Variants in AHRR observed in about 807,000 individuals in gnomAD.
AHRR encodes the protein aryl hydrocarbon receptor repressor.
Under a neutral mutation model 44.0 loss-of-function variants are expected in AHRR, and 28 were observed. The observed-to-expected ratio is 0.64, with a 90% CI of 0.47 to 0.87. AHRR has a LOEUF of 0.87. Among genes scored for constraint, AHRR ranks in the 40% least tolerant of loss-of-function variants. AHRR has a pLI of 0.00. For missense variants in AHRR, 990 were observed against 953.9 expected (o/e 1.04, Z -0.50); for synonymous variants, 434 against 407.0 (o/e 1.07, Z -0.80).
intron 4 of AHRR, among the ~76,000 whole-genome samples, chr5:382,730 AATTTGTCT>A: frequency 7.0e-6 from 1 of 142,688 alleles, no homozygotes; most frequent in Admixed American, 6.8e-5. Context: ...TAGATTATTG[AATTTGTCT>A]ATTTGTCTAT....
At chr5:433,057 C>A in intron 10 of AHRR, 110 bp downstream of exon 10, 3 of 1,315,658 alleles carry the variant, frequency 2.3e-6, no homozygotes, top group Non-Finnish European at 3.0e-6. Context: ...AAGACGACAG[C>A]AGCCTTGGCC....
Position 405,743 on chromosome 5 carries a change from G to A in AHRR, c.352-7601G>A, listed in dbSNP as rs1343283527. On this transcript the variant is annotated intron_variant, in intron 4 of 10. Transcript: ENST00000684583. The surrounding 1 kb of genome is among the most constrained non-coding windows in gnomAD (Gnocchi z 4.5). ...TCTCCATCGGTCGTAACATCTTACT[G>A]CTCCCCTCGCAGACTGTTGAGTTGG... 4.6e-5 allele frequency among the ~76,000 whole-genome samples: 7 copies of A among 152,238 alleles called. No homozygotes were observed. Among genetic ancestry groups the A allele is most frequent in the Admixed American group, 4.6e-4 (7 of 15,282 alleles).
At position 353,928 on chromosome 5, in the gene AHRR, C is replaced by T; in HGVS notation, c.244+17C>T. On this transcript the variant is annotated intron_variant, in intron 3 of 10. Coordinates refer to ENST00000684583, the MANE Select transcript of AHRR (RefSeq NM_001377236.1). ...TCTTCCAAGGTAGGACTCTCACCTG[C>T]TCCCACCTGTTCACTTGAGTCAGGC... 6.2e-7 allele frequency: 1 copy of T among 1,603,332 alleles called. No homozygotes were observed. The highest frequency in any genetic ancestry group is 8.5e-7 in the Non-Finnish European group (1 of 1,173,978).
chr5:346,212 A>G, intron 2 of AHRR, among the ~76,000 whole-genome samples: 1 of 152,228 alleles, frequency 6.6e-6, no homozygotes, highest in Non-Finnish European at 1.5e-5. Flanking sequence ...AATACGGTGC[A>G]TGCACATTTT....
At chr5:396,520 A>T (rs1734713499) in intron 4 of AHRR, among the ~76,000 whole-genome samples, 1 of 152,176 alleles carries the variant, frequency 6.6e-6, no homozygotes, top group Non-Finnish European at 1.5e-5. Context: ...CCCACAGAAC[A>T]CACTTGGCCT....
chr5:425,137 G>A (rs1736325533), intron 7 of AHRR, among the ~76,000 whole-genome samples: 1 of 152,218 alleles, frequency 6.6e-6, no homozygotes, highest in Non-Finnish European at 1.5e-5. Flanking sequence ...GACCTCCTGG[G>A]GACCTTGGGT....
At chr5:413,570 C>T in intron 5 of AHRR, 137 bp downstream of exon 5, 2 of 671,006 alleles carry the variant, frequency 3.0e-6, no homozygotes, top group South Asian at 3.9e-5. Flanking sequence ...AGATAAAGAT[C>T]TCCACACCCC....
chr5:411,878 T>C lies in AHRR; in HGVS notation c.352-1466T>C, dbSNP rs1210965320. The stretch of plus-strand genomic sequence containing the variant: ...ACTCAGCCCCCTCACCCCCAGCTTC[T>C]ACCTCGTGTGGGATGTGAGACTGGG... On this transcript the variant is annotated intron_variant, in intron 4 of 10. Transcript: ENST00000684583. The surrounding 1 kb of genome is among the most constrained non-coding windows in gnomAD (Gnocchi z 4.2). 2.0e-5 allele frequency among the ~76,000 whole-genome samples: 3 copies of C among 152,206 alleles called. No individual in the cohort carries two copies. Among genetic ancestry groups the C allele is most frequent in the African/African-American group, 7.2e-5 (3 of 41,452 alleles).
intron 4 of AHRR, among the ~76,000 whole-genome samples, chr5:400,119 A>G (rs1006408379): frequency 1.3e-5 from 2 of 152,188 alleles, no homozygotes; most frequent in Non-Finnish European, 2.9e-5. Flanking sequence ...GGGGAGCACA[A>G]TACTCCCAAC....
chr5:353,680 C>G (rs749910746), intron 2 of AHRR, 50 bp from the exon 3 acceptor site: 1 of 1,551,816 alleles, frequency 6.4e-7, no homozygotes, highest in Non-Finnish European at 8.7e-7. Flanking sequence ...CCCAGGGGGC[C>G]TGTGGCTTCT....
In AHRR at chr5:395,238, C is replaced by T. The variant is rs1003922316; in HGVS notation, c.352-18106C>T. On this transcript the variant is annotated intron_variant, in intron 4 of 10. Transcript: ENST00000684583. This position sits in a 1 kb window ranked among gnomAD's most constrained non-coding sequence, Gnocchi z 5.3. ...CAGGTGGCCGACACTGGCTGCCCTG[C>T]GTCCCCATTCCCTGAATGACACTGG... is the stretch of plus-strand genomic sequence containing the variant. Among the ~76,000 whole-genome samples, 18 of 152,214 alleles carry T rather than the reference C, an allele frequency of 1.2e-4. No individual in the cohort carries two copies. Among genetic ancestry groups the T allele is most frequent in the African/African-American group, 4.3e-4 (18 of 41,448 alleles).
chr5:376,851 C>T (rs1466585814), intron 4 of AHRR, 135 bp downstream of exon 4: 1 of 781,154 alleles, frequency 1.3e-6, no homozygotes, highest in Non-Finnish European at 2.1e-6. Flanking sequence ...AGGTTTATAA[C>T]TGTCAGGAAG....
rs1297698564 is a variant in AHRR, at chr5:419,675, C to T, written c.442-3054C>T. Among the ~76,000 whole-genome samples the T allele has an allele frequency of 1.3e-5, 2 of 152,042 alleles. No homozygotes were observed. Among genetic ancestry groups the T allele is most frequent in the African/African-American group, 2.4e-5 (1 of 41,396 alleles). ...CAAAGCCGGGGCCCTCCATGGTGCC[C>T]GGCTCTTACTGCACAGGGACCAACA... On this transcript the variant is annotated intron_variant, in intron 5 of 10. Transcript: ENST00000684583. The surrounding 1 kb of genome is among the most constrained non-coding windows in gnomAD (Gnocchi z 4.4).
In AHRR at chr5:325,505, C is replaced by T. The variant is rs565431016; in HGVS notation, c.-11+3686C>T. On this transcript the variant is annotated intron_variant, in intron 1 of 10. Transcript: ENST00000684583. Reference sequence around the variant, plus strand: ...TCCTTGCAGGCTGGCCTCCAGCCACCAAGTGCCCAACCTGGTTTCTGGGAG... The same window carrying T: ...TCCTTGCAGGCTGGCCTCCAGCCACTAAGTGCCCAACCTGGTTTCTGGGAG... 8.5e-5 allele frequency among the ~76,000 whole-genome samples: 13 copies of T among 152,276 alleles called. 1 individual carries two copies. In the South Asian group the frequency reaches 2.7e-3, roughly 32 times the overall value.
intron 4 of AHRR, among the ~76,000 whole-genome samples, chr5:396,071 G>A (rs1734690998): frequency 6.6e-6 from 1 of 152,216 alleles, no homozygotes; most frequent in African/African-American, 2.4e-5. Flanking sequence ...ACGAGCCCGG[G>A]AGGGTAAGAG....
rs180979445 is a variant in AHRR at position 422,768 on chromosome 5, G to A, written c.481G>A (p.Val161Met). ...MHQNIYDYIH[V>M]DDRQDFCRQL... ...CCAGAACATTTATGACTACATCCAC[G>A]TGGACGACCGCCAGGACTTCTGCCG... The change falls in exon 6 of 11, where the codon GTG becomes ATG. Residue 161 changes from valine to methionine, a missense_variant. Val to Met is a conservative substitution (Grantham distance 21, BLOSUM62 1). Transcript: ENST00000684583. 1.4e-4 allele frequency: 223 copies of A among 1,614,134 alleles called. No homozygotes were observed. Among genetic ancestry groups the A allele is most frequent in the Non-Finnish European group, 1.7e-4 (205 of 1,180,026 alleles).
chr5:422,521 G>C, intron 5 of AHRR: 2 of 620,156 alleles, frequency 3.2e-6, no homozygotes, highest in Non-Finnish European at 5.6e-6. Context: ...GGGCAGACGG[G>C]TGGGCGGGTG....
intron 4 of AHRR, among the ~76,000 whole-genome samples, chr5:391,341 G>GGGCGCAGGGCGAGGCA (rs1734420375): frequency 7.9e-6 from 1 of 126,506 alleles, no homozygotes; most frequent in Non-Finnish European, 1.7e-5. Flanking sequence ...AGGGCGAGGC[G>GGGCGCAGGGCGAGGCA]GGCGCAGGGC....
chr5:324,848 G>A lies in AHRR; in HGVS notation c.-11+3029G>A, dbSNP rs1386872829. Among the ~76,000 whole-genome samples the A allele has an allele frequency of 2.0e-5, 3 of 152,192 alleles. No individual in the cohort carries two copies. The East Asian group carries it at 5.8e-4, about 29-fold the overall frequency. On this transcript the variant is annotated intron_variant, in intron 1 of 10. Transcript: ENST00000684583. Reference sequence around the variant, plus strand: ...ACTGGTTATTCAGGGGGCACTGGCTGTGGGGAGGGGGTAGGCAGGCCAGCT... The same window carrying A: ...ACTGGTTATTCAGGGGGCACTGGCTATGGGGAGGGGGTAGGCAGGCCAGCT...
Sources: allele counts gnomAD v4.1 joint callset (sites outside exome capture counted in the v4.1 genomes callset), GRCh38; gene constraint gnomAD v4.1.1; non-coding constraint Gnocchi (gnomAD v3.1); transcripts MANE v1.5; gene names NCBI Gene and HGNC (gene_info 2026-07-23, HGNC 2026-07-21).